ZDHHC20: variants seen among roughly 807,000 people sequenced by gnomAD.
ZDHHC20 encodes palmitoyltransferase ZDHHC20.
Under a neutral mutation model 57.8 loss-of-function variants are expected in ZDHHC20, and 43 were observed. That is an observed-to-expected ratio of 0.74 (90% CI 0.58 to 0.96). ZDHHC20 has a LOEUF of 0.96. Ranked by LOEUF, ZDHHC20 falls within the 40% of genes least tolerant of loss-of-function variation. ZDHHC20 has a pLI of 0.00. For missense variants in ZDHHC20, 391 were observed against 441.1 expected (o/e 0.89, Z 1.02); for synonymous variants, 157 against 153.0 (o/e 1.03, Z -0.19).
chr13:21,458,960 G>A (rs1885157206), intron 1 of ZDHHC20, 94 bp downstream of exon 1: 2 of 934,300 alleles, frequency 2.1e-6, no homozygotes, highest in Admixed American at 4.1e-5. Flanking sequence ...TCCGGCGCTG[G>A]CTCCAGAAAG....
chr13:21,426,923 T>G (rs1881330328), intron 1 of ZDHHC20, among the ~76,000 whole-genome samples: 1 of 151,972 alleles, frequency 6.6e-6, no homozygotes, highest in East Asian at 1.9e-4. Context: ...TAGTTTCTTC[T>G]GTCATTTGCC....
At chr13:21,425,504 T>C in intron 2 of ZDHHC20, 148 bp downstream of exon 2, 1 of 516,422 alleles carries the variant, frequency 1.9e-6, no homozygotes, top group Non-Finnish European at 3.1e-6. Context: ...ACCCCATTAC[T>C]AGATCTCCTT....
intron 1 of ZDHHC20, among the ~76,000 whole-genome samples, chr13:21,444,558 A>G (rs1334902568): frequency 6.6e-6 from 1 of 152,240 alleles, no homozygotes; most frequent in Non-Finnish European, 1.5e-5. Context: ...TAGTAAATTT[A>G]TGTTGTTCTA....
rs1245163575 is a variant in ZDHHC20, at chr13:21,378,643, A to C, written c.*40+18T>G. The C allele has an allele frequency of 1.6e-6, 2 of 1,284,300 alleles. No individual in the cohort carries two copies. Among genetic ancestry groups the C allele is most frequent in the African/African-American group, 3.0e-5 (2 of 65,832 alleles). The allele number at this position is 1,284,300 out of a possible 1,614,324, so 79.6% of individuals were successfully genotyped here. ...AATAAGCTGCATTTATTCAAGGATT[A>C]CCTTTATACTGTCTTACCTTGCTCT... On this transcript the variant is annotated intron_variant, in intron 12 of 12. Transcript: ENST00000400590.
chr13:21,422,415 AAAT>A (rs1442692973), intron 2 of ZDHHC20, among the ~76,000 whole-genome samples: 1 of 152,228 alleles, frequency 6.6e-6, no homozygotes, highest in South Asian at 2.1e-4. Context: ...TTTTCAAATA[AAAT>A]AATAATAATA....
intron 1 of ZDHHC20, among the ~76,000 whole-genome samples, chr13:21,456,758 A>G (rs1884962040): frequency 6.6e-6 from 1 of 152,206 alleles, no homozygotes; most frequent in South Asian, 2.1e-4. Flanking sequence ...ATCAGGCCAT[A>G]GTTATAGAAT....
At chr13:21,392,522 T>C (rs1202563735) in intron 7 of ZDHHC20, among the ~76,000 whole-genome samples, 1 of 152,236 alleles carries the variant, frequency 6.6e-6, no homozygotes. Flanking sequence ...TTGTGCATAG[T>C]TAGCAATTTT....
chr13:21,404,519 G>T (rs1387571205), intron 4 of ZDHHC20, among the ~76,000 whole-genome samples: 1 of 152,200 alleles, frequency 6.6e-6, no homozygotes, highest in African/African-American at 2.4e-5. Flanking sequence ...CTGGGAGGCT[G>T]AGGCGGGTGG....
At chr13:21,425,625 C>T (rs2137926923) in intron 2 of ZDHHC20, 27 bp downstream of exon 2, 1 of 1,193,046 alleles carries the variant, frequency 8.4e-7, no homozygotes, top group Non-Finnish European at 1.1e-6. Flanking sequence ...AAGCATTTAA[C>T]TTAAATTGAA....
chr13:21,432,094 C>A (rs1424545789), intron 1 of ZDHHC20, among the ~76,000 whole-genome samples: 1 of 151,980 alleles, frequency 6.6e-6, no homozygotes, highest in African/African-American at 2.4e-5. Context: ...TAATATATTT[C>A]ATTTTCATTT....
intron 1 of ZDHHC20, among the ~76,000 whole-genome samples, 186 bp downstream of exon 1, chr13:21,458,868 A>G (rs1233879304): frequency 6.6e-6 from 1 of 152,162 alleles, no homozygotes. Context: ...GGTCGCCCCA[A>G]GGCCGCGCCG....
chr13:21,403,001 C>A, intron 4 of ZDHHC20, 135 bp from the exon 5 acceptor site: 1 of 640,020 alleles, frequency 1.6e-6, no homozygotes, highest in Non-Finnish European at 2.7e-6. Flanking sequence ...CCAACAATAC[C>A]AAAATGTATT....
rs1212611970 is a variant in ZDHHC20 at position 21,373,617 on chromosome 13, C to A, written c.*3079G>T. The A allele has an allele frequency of 1.3e-5, 2 of 152,200 alleles. No homozygotes were observed. Among genetic ancestry groups the A allele is most frequent in the Non-Finnish European group, 2.9e-5 (2 of 68,028 alleles). 9.4% of individuals were successfully genotyped at this position (152,200 alleles called of 1,614,324 possible). On this transcript the variant is annotated 3_prime_UTR_variant, in exon 13 of 13. Coordinates refer to ENST00000400590, the MANE Select transcript of ZDHHC20 (RefSeq NM_001330059.2). ...ATTTGTTCCCAGGTAAACCAAGTCT[C>A]CTAATTTGTCTGTAATGGCAATGGC...
chr13:21,447,775 G>C (rs1399207056), intron 1 of ZDHHC20, among the ~76,000 whole-genome samples: 1 of 89,162 alleles, frequency 1.1e-5, no homozygotes, highest in Non-Finnish European at 2.8e-5. Context: ...CCTCTGCCTG[G>C]CTGCCCAGTC....
At chr13:21,456,592 AAT>A (rs759825540) in intron 1 of ZDHHC20, among the ~76,000 whole-genome samples, 1 of 152,232 alleles carries the variant, frequency 6.6e-6, no homozygotes, top group Non-Finnish European at 1.5e-5. Context: ...GGATAGTTTT[AAT>A]ATGAGTAAAT....
intron 2 of ZDHHC20, 63 bp from the exon 3 acceptor site, chr13:21,421,227 T>A: frequency 4.5e-6 from 6 of 1,330,000 alleles, no homozygotes; most frequent in Non-Finnish European, 6.4e-6. Context: ...AAGCATTACA[T>A]TAAAACACAA....
intron 1 of ZDHHC20, among the ~76,000 whole-genome samples, chr13:21,440,610 C>G (rs1883040338): frequency 1.5e-5 from 2 of 134,668 alleles, no homozygotes; most frequent in South Asian, 4.5e-4. Context: ...AAACTCTGTC[C>G]AAAAACAAAC....
intron 8 of ZDHHC20, among the ~76,000 whole-genome samples, chr13:21,389,687 T>A (rs1351266708): frequency 6.6e-6 from 1 of 152,176 alleles, no homozygotes; most frequent in Non-Finnish European, 1.5e-5. Flanking sequence ...TGGCAAGACC[T>A]GCAGCAAATG....
chr13:21,411,987 G>A (rs1019145073), intron 4 of ZDHHC20, among the ~76,000 whole-genome samples: 2 of 152,190 alleles, frequency 1.3e-5, no homozygotes, highest in African/African-American at 2.4e-5. Flanking sequence ...GCAAATACAC[G>A]AGTGGAGCTC....
Sources: gnomAD v4.1 joint callset for allele counts (sites outside exome capture counted in the v4.1 genomes callset) on GRCh38, gnomAD v4.1.1 for gene constraint, MANE v1.5 for transcripts, NCBI Gene and HGNC (gene_info 2026-07-23, HGNC 2026-07-21) for gene names.